PPFIBP1: variants seen among roughly 807,000 people sequenced by gnomAD.
PPFIBP1 encodes the protein liprin-beta-1.
A neutral mutation model predicts 137.8 loss-of-function variants in PPFIBP1; 112 were observed. The observed-to-expected ratio is 0.81, with a 90% confidence interval of 0.70 to 0.95. The LOEUF (loss-of-function observed/expected upper bound fraction) is 0.95, where lower values mean the gene tolerates loss of function less well. Among genes scored for constraint, PPFIBP1 ranks in the 40% least tolerant of loss-of-function variants. The probability of loss-of-function intolerance (pLI) is 0.00; values close to 1 mark genes in which losing one functional copy is unlikely to be tolerated. For synonymous variants in PPFIBP1, 378 were observed against 417.3 expected, an observed-to-expected ratio of 0.91 and a Z score of 1.15; for missense variants, 1,083 against 1,196.6, an observed-to-expected ratio of 0.91 and a Z score of 1.40.
At chr12:27,652,777 A>C (rs541533923) in intron 7 of PPFIBP1, among the ~76,000 whole-genome samples, 2 of 152,348 alleles carry the variant, frequency 1.3e-5, no homozygotes, top group South Asian at 2.1e-4. Context: ...ATGAGAAAGT[A>C]GGAAAATATA....
intron 21 of PPFIBP1, among the ~76,000 whole-genome samples, chr12:27,680,701 A>C (rs1221886901): frequency 6.6e-6 from 1 of 152,214 alleles, no homozygotes; most frequent in Non-Finnish European, 1.5e-5. Flanking sequence ...GATTCTAAGA[A>C]CTGCTCTGAC....
intron 4 of PPFIBP1, chr12:27,635,576 A>T (rs1282825103): frequency 5.5e-6 from 1 of 180,738 alleles, no homozygotes; most frequent in East Asian, 1.4e-4. Flanking sequence ...GTTTATGGCA[A>T]TCATTTCAGT....
chr12:27,628,284 G>A (rs2056996136), intron 2 of PPFIBP1, among the ~76,000 whole-genome samples: 1 of 152,078 alleles, frequency 6.6e-6, no homozygotes, highest in Admixed American at 6.5e-5. Flanking sequence ...GGGCTCAAGT[G>A]ATCCACCTCA....
intron 1 of PPFIBP1, among the ~76,000 whole-genome samples, chr12:27,573,144 A>C (rs2050277086): frequency 6.6e-6 from 1 of 152,206 alleles, no homozygotes; most frequent in Non-Finnish European, 1.5e-5. Context: ...CTTCATCTAC[A>C]ATTTGAAAAT....
intron 1 of PPFIBP1, among the ~76,000 whole-genome samples, chr12:27,541,630 A>G (rs747754417): frequency 3.9e-5 from 6 of 152,322 alleles, no homozygotes; most frequent in East Asian, 3.9e-4. Context: ...CCACAGCCCT[A>G]TTGCAGCTCA....
chr12:27,681,694 A>C lies in PPFIBP1; in HGVS notation c.2044A>C (p.Lys682Gln), dbSNP rs2060882737. 2 of 1,613,958 alleles carry C rather than the reference A, an allele frequency of 1.2e-6. No homozygotes were observed. The highest frequency in any genetic ancestry group is 2.7e-5 in the African/African-American group (2 of 75,036). Residue 682 changes from lysine to glutamine, a missense_variant and splice_region_variant, in exon 22 of 30, where the codon AAG (lysine) becomes CAG (glutamine). Coordinates refer to ENST00000228425, the MANE Select transcript of PPFIBP1 (RefSeq NM_003622.4). ...LLQASQQDLE[K>Q]ELGIKHSLHR... ...GCAGGCTTCTCAACAAGATCTAGAG[A>C]AGGTGACTGCTTCTCTGTTTTGTTC...
chr12:27,573,646 T>G (rs2050314463), intron 1 of PPFIBP1, among the ~76,000 whole-genome samples: 1 of 152,210 alleles, frequency 6.6e-6, no homozygotes, highest in South Asian at 2.1e-4. Context: ...GACTTTACTC[T>G]GCAGACATTG....
intron 2 of PPFIBP1, among the ~76,000 whole-genome samples, chr12:27,632,061 G>A (rs1257703708): frequency 1.3e-5 from 2 of 152,064 alleles, no homozygotes; most frequent in African/African-American, 2.4e-5. Flanking sequence ...CATACCTTGA[G>A]TATTTTCATG....
At chr12:27,623,066 T>G (rs1341888300) in intron 2 of PPFIBP1, among the ~76,000 whole-genome samples, 13 of 152,126 alleles carry the variant, frequency 8.5e-5, no homozygotes, top group Non-Finnish European at 1.3e-4. Flanking sequence ...CAGAACTGCT[T>G]ATATCTAGGA....
At chr12:27,579,093 T>C (rs1451700285) in intron 2 of PPFIBP1, among the ~76,000 whole-genome samples, 1 of 152,112 alleles carries the variant, frequency 6.6e-6, no homozygotes, top group East Asian at 1.9e-4. Flanking sequence ...TTGGCTGGAG[T>C]CACAGAAAGA....
At chr12:27,607,558 A>G (rs2054646716) in intron 2 of PPFIBP1, among the ~76,000 whole-genome samples, 1 of 152,214 alleles carries the variant, frequency 6.6e-6, no homozygotes, top group African/African-American at 2.4e-5. Flanking sequence ...TCCCATACTC[A>G]AAGTTCCTGA....
chr12:27,599,744 T>G (rs915839775), intron 2 of PPFIBP1, among the ~76,000 whole-genome samples: 5 of 152,226 alleles, frequency 3.3e-5, no homozygotes, highest in Non-Finnish European at 7.3e-5. Flanking sequence ...TGTGGTATTC[T>G]TGCCAACAAT....
chr12:27,542,929 G>A (rs1192365451), intron 1 of PPFIBP1, among the ~76,000 whole-genome samples: 1 of 152,170 alleles, frequency 6.6e-6, no homozygotes, highest in Non-Finnish European at 1.5e-5. Flanking sequence ...TCATGGAGTT[G>A]TTACTTGCCT....
At chr12:27,571,657 G>C (rs966950511) in intron 1 of PPFIBP1, among the ~76,000 whole-genome samples, 12 of 152,330 alleles carry the variant, frequency 7.9e-5, no homozygotes, top group Non-Finnish European at 1.5e-4. Context: ...TCACTGGGGT[G>C]TGTTAGTTCC....
At chr12:27,632,232 G>T (rs567833477) in intron 2 of PPFIBP1, among the ~76,000 whole-genome samples, 2 of 152,328 alleles carry the variant, frequency 1.3e-5, no homozygotes, top group East Asian at 3.9e-4. Context: ...ACTCATCCAA[G>T]GAGTTGATAC....
intron 2 of PPFIBP1, among the ~76,000 whole-genome samples, chr12:27,597,619 C>T (rs551789139): frequency 3.7e-4 from 56 of 151,998 alleles, no homozygotes; most frequent in Middle Eastern, 3.4e-3. Flanking sequence ...GGAGTAGAGG[C>T]GGAGGAGAAA....
rs144681593 is a variant in PPFIBP1, at chr12:27,663,438, C to A, written c.907-924C>A. Among the ~76,000 whole-genome samples the A allele has an allele frequency of 4.1e-3, 621 of 152,166 alleles. 1 individual carries two copies. Among genetic ancestry groups the A allele is most frequent in the Admixed American group, 8.4e-3 (128 of 15,280 alleles). On this transcript the variant is annotated intron_variant, in intron 11 of 29. Transcript: ENST00000228425. ...GGGGTTATGGAAGTTCAACAGCTAT[C>A]TGGTCAAAGGATTGAGAAATAAAAA...
chr12:27,592,601 G>C, intron 2 of PPFIBP1: 1 of 1,588,520 alleles, frequency 6.3e-7, no homozygotes. Flanking sequence ...GAGAGGATAT[G>C]CTGCCTCAGC....
At chr12:27,582,848 C>T (rs758444770) in intron 2 of PPFIBP1, among the ~76,000 whole-genome samples, 12 of 152,224 alleles carry the variant, frequency 7.9e-5, no homozygotes, top group Non-Finnish European at 1.5e-4. Flanking sequence ...TAATCCCTTA[C>T]CAGTGGTGTA....
Sources: allele counts gnomAD v4.1 joint callset (sites outside exome capture counted in the v4.1 genomes callset), GRCh38; gene constraint gnomAD v4.1.1; transcripts MANE v1.5; gene names NCBI Gene and HGNC (gene_info 2026-07-23, HGNC 2026-07-21).